Variants in PTK2 observed in about 807,000 individuals in gnomAD.
PTK2 encodes the protein protein tyrosine kinase 2.
PTK2 carries 45 observed loss-of-function variants against 150.1 expected under a neutral mutation model. The observed-to-expected ratio is 0.30, with a 90% CI of 0.24 to 0.38. The LOEUF (loss-of-function observed/expected upper bound fraction) is 0.38. Ranked by LOEUF, PTK2 falls within the 10% of genes least tolerant of loss-of-function variation. The pLI is 1.00. For missense variants in PTK2, 919 were observed against 1,307.3 expected (o/e 0.70, Z 4.58); for synonymous variants, 432 against 449.2 (o/e 0.96, Z 0.48).
At chr8:140,704,112 A>T (rs987758540) in intron 24 of PTK2, among the ~76,000 whole-genome samples, 3 of 152,226 alleles carry the variant, frequency 2.0e-5, no homozygotes, top group Non-Finnish European at 4.4e-5. Context: ...CTCTATCAAG[A>T]TTTCTGGTGA....
At chr8:140,917,387 G>A (rs2100165702) in intron 2 of PTK2, among the ~76,000 whole-genome samples, 1 of 151,824 alleles carries the variant, frequency 6.6e-6, no homozygotes, top group Admixed American at 6.6e-5. Context: ...GGCAGGGGAG[G>A]GCAGATGAGA....
rs187626504 is a variant in PTK2 at position 140,856,090 on chromosome 8, G to A, written c.450+8222C>T. On this transcript the variant is annotated intron_variant, in intron 5 of 31. Transcript: ENST00000522684. The stretch of plus-strand genomic sequence containing the variant: ...TGGAAGAATAAACAACATAAACAAT[G>A]ATTATTAGTTGGTACCCAGAGAAGT... Among the ~76,000 whole-genome samples the A allele has an allele frequency of 1.1e-3, 175 of 152,288 alleles. 1 individual carries two copies. The highest frequency in any genetic ancestry group is 2.1e-3 in the Non-Finnish European group (145 of 68,016).
chr8:140,953,465 G>C (rs1203949166), intron 1 of PTK2, among the ~76,000 whole-genome samples: 1 of 152,190 alleles, frequency 6.6e-6, no homozygotes, highest in Admixed American at 6.5e-5. Context: ...TGGCTACTAA[G>C]TGACTAACAG....
At chr8:140,880,546 TAAGAC>T (rs1291691995) in intron 3 of PTK2, among the ~76,000 whole-genome samples, 3 of 152,184 alleles carry the variant, frequency 2.0e-5, no homozygotes, top group Non-Finnish European at 4.4e-5. Context: ...TTTTAGGTGA[TAAGAC>T]AAGTTTTTTT....
At chr8:140,717,486 C>A in intron 23 of PTK2, 112 bp downstream of exon 26, 1 of 806,798 alleles carries the variant, frequency 1.2e-6, no homozygotes, top group Non-Finnish European at 2.1e-6. Flanking sequence ...ATAACTATTA[C>A]TCTTAGAATA....
chr8:140,836,159 T>G (rs1364533042), intron 7 of PTK2, among the ~76,000 whole-genome samples: 7 of 152,196 alleles, frequency 4.6e-5, no homozygotes, highest in Admixed American at 4.6e-4. Flanking sequence ...GGGTCTCTAC[T>G]TAGAAGCTGG....
At chr8:140,927,599 A>T (rs1052894744) in intron 1 of PTK2, among the ~76,000 whole-genome samples, 1 of 152,118 alleles carries the variant, frequency 6.6e-6, no homozygotes, top group Non-Finnish European at 1.5e-5. Context: ...AAAATCAACA[A>T]TATACATTTT....
At chr8:140,717,889 T>G in intron 22 of PTK2, 180 bp from the exon 26 acceptor site, 2 of 507,782 alleles carry the variant, frequency 3.9e-6, no homozygotes, top group South Asian at 2.6e-5. Flanking sequence ...GATTCTAGAA[T>G]AGCCTTGGTC....
intron 1 of PTK2, among the ~76,000 whole-genome samples, chr8:140,932,974 C>G (rs11167009): frequency 0.41 from 62,063 of 151,740 alleles, 14,915 homozygotes; most frequent in Non-Finnish European, 0.55. Flanking sequence ...GCCTCAGCCT[C>G]CCAAGTAGCT....
At chr8:140,860,752 G>A (rs1489134506) in intron 5 of PTK2, among the ~76,000 whole-genome samples, 1 of 152,186 alleles carries the variant, frequency 6.6e-6, no homozygotes, top group Non-Finnish European at 1.5e-5. Context: ...GGGATCACAG[G>A]CGTTAGCCAC....
intron 23 of PTK2, among the ~76,000 whole-genome samples, chr8:140,713,016 A>G (rs191020388): frequency 6.6e-6 from 1 of 152,322 alleles, no homozygotes; most frequent in East Asian, 1.9e-4. Flanking sequence ...ACTCAACTGT[A>G]TAGTGCTTTC....
At chr8:140,800,671 A>G in intron 11 of PTK2, 95 bp from the exon 12 acceptor site, 1 of 887,468 alleles carries the variant, frequency 1.1e-6, no homozygotes, top group Non-Finnish European at 1.8e-6. Flanking sequence ...TATACACTTG[A>G]AAACAGAGAA....
At chr8:140,894,839 C>T (rs1384324149) in intron 2 of PTK2, among the ~76,000 whole-genome samples, 2 of 152,034 alleles carry the variant, frequency 1.3e-5, no homozygotes, top group African/African-American at 4.8e-5. Flanking sequence ...ATGAATACAC[C>T]CTTATAACTT....
chr8:140,803,101 G>C (rs2100096202), intron 11 of PTK2, among the ~76,000 whole-genome samples: 1 of 133,750 alleles, frequency 7.5e-6, no homozygotes, highest in African/African-American at 2.8e-5. Context: ...TGCAACCTCT[G>C]CCTCCTGGGT....
chr8:140,689,329 G>A (rs776035144), intron 26 of PTK2, among the ~76,000 whole-genome samples: 10 of 152,156 alleles, frequency 6.6e-5, no homozygotes, highest in Non-Finnish European at 1.2e-4. Context: ...TACCTGAGAA[G>A]ACGAGACTCC....
intron 7 of PTK2, among the ~76,000 whole-genome samples, chr8:140,835,673 T>C (rs2100118286): frequency 6.6e-6 from 1 of 152,188 alleles, no homozygotes; most frequent in Non-Finnish European, 1.5e-5. Flanking sequence ...GGTATGGCTA[T>C]GCGACTATGT....
intron 7 of PTK2, among the ~76,000 whole-genome samples, chr8:140,842,748 G>A (rs940608884): frequency 6.6e-6 from 1 of 152,136 alleles, no homozygotes; most frequent in African/African-American, 2.4e-5. Flanking sequence ...AATTTAGAAA[G>A]AGGGGACAGC....
chr8:140,680,192 C>A (rs2100016221), intron 27 of PTK2, among the ~76,000 whole-genome samples: 1 of 152,116 alleles, frequency 6.6e-6, no homozygotes, highest in Non-Finnish European at 1.5e-5. Context: ...AAACTGAGAT[C>A]TTAGTTGGGC....
intron 16 of PTK2, among the ~76,000 whole-genome samples, chr8:140,758,768 C>G (rs2100067415): frequency 6.6e-6 from 1 of 152,188 alleles, no homozygotes; most frequent in African/African-American, 2.4e-5. Flanking sequence ...CCAAAGCGTA[C>G]AGTGTTTATA....
Sources: allele counts gnomAD v4.1 joint callset (sites outside exome capture counted in the v4.1 genomes callset), GRCh38; gene constraint gnomAD v4.1.1; transcripts MANE v1.5; gene names NCBI Gene and HGNC (gene_info 2026-07-23, HGNC 2026-07-21).